PTPRO: variants seen among roughly 807,000 people sequenced by gnomAD.
PTPRO encodes receptor-type tyrosine-protein phosphatase O.
PTPRO carries 62 observed loss-of-function variants against 145.2 expected under a neutral mutation model. The ratio of observed to expected loss-of-function variants is 0.43; its 90% CI spans 0.35 to 0.53. The LOEUF (loss-of-function observed/expected upper bound fraction) is 0.53, where lower values mean the gene tolerates loss of function less well. Ranked by LOEUF, PTPRO falls within the 20% of genes least tolerant of loss-of-function variation. The pLI is 0.01. For missense variants in PTPRO, 1,345 were observed against 1,482.7 expected (o/e 0.91, Z 1.53); for synonymous variants, 565 against 514.7 (o/e 1.10, Z -1.32).
intron 1 of PTPRO, among the ~76,000 whole-genome samples, chr12:15,339,277 A>G (rs964730000): frequency 1.3e-5 from 2 of 152,186 alleles, no homozygotes; most frequent in Non-Finnish European, 2.9e-5. Flanking sequence ...AATGTAAGTT[A>G]TGTTTAGGAG....
chr12:15,548,998 A>T, intron 13 of PTPRO, 96 bp from the exon 14 acceptor site: 1 of 1,323,114 alleles, frequency 7.6e-7, no homozygotes, highest in Non-Finnish European at 1.1e-6. Context: ...TACATTTTTT[A>T]CTCTGTCAAT....
intron 1 of PTPRO, among the ~76,000 whole-genome samples, chr12:15,438,168 A>G (rs1232635065): frequency 6.6e-6 from 1 of 152,224 alleles, no homozygotes; most frequent in African/African-American, 2.4e-5. Flanking sequence ...GGGAAAGAGA[A>G]TAATAGTAAT....
intron 1 of PTPRO, among the ~76,000 whole-genome samples, chr12:15,475,424 A>T (rs1941632230): frequency 6.6e-6 from 1 of 152,210 alleles, no homozygotes; most frequent in Admixed American, 6.5e-5. Context: ...AATAATAAGG[A>T]AATATAAATA....
At chr12:15,386,380 GAAT>G (rs1400992048) in intron 1 of PTPRO, among the ~76,000 whole-genome samples, 1 of 152,062 alleles carries the variant, frequency 6.6e-6, no homozygotes, top group Non-Finnish European at 1.5e-5. Flanking sequence ...AAATTTTAAT[GAAT>G]AATATTAAAT....
intron 13 of PTPRO, among the ~76,000 whole-genome samples, chr12:15,547,869 G>T (rs944496730): frequency 6.6e-6 from 1 of 152,094 alleles, no homozygotes; most frequent in Non-Finnish European, 1.5e-5. Context: ...TTATGCAAGG[G>T]TGTTTCAAAA....
chr12:15,545,554 G>C (rs1440990767), intron 12 of PTPRO, among the ~76,000 whole-genome samples: 1 of 151,280 alleles, frequency 6.6e-6, no homozygotes, highest in Non-Finnish European at 1.5e-5. Context: ...GAACAGGCAG[G>C]GTTTTTTGGT....
chr12:15,377,856 C>A (rs1046682568), intron 1 of PTPRO, among the ~76,000 whole-genome samples: 82 of 152,014 alleles, frequency 5.4e-4, no homozygotes, highest in African/African-American at 1.9e-3. Context: ...GTGGAATTCA[C>A]AAATATGTGA....
chr12:15,336,081 C>A (rs1866752258), intron 1 of PTPRO, among the ~76,000 whole-genome samples: 2 of 152,154 alleles, frequency 1.3e-5, no homozygotes, highest in East Asian at 1.9e-4. Flanking sequence ...AACTGGAAAA[C>A]TGACAGATGT....
chr12:15,483,677 A>G (rs1941827701), intron 1 of PTPRO, among the ~76,000 whole-genome samples: 2 of 152,096 alleles, frequency 1.3e-5, no homozygotes, highest in Non-Finnish European at 2.9e-5. Context: ...CCTCCACAGG[A>G]TGTTTATTTT....
At chr12:15,562,688 A>C (rs758369599) in intron 17 of PTPRO, among the ~76,000 whole-genome samples, 2 of 151,500 alleles carry the variant, frequency 1.3e-5, no homozygotes, top group Non-Finnish European at 2.9e-5. Context: ...TATGTTTCCT[A>C]TTGAAAGAAA....
intron 1 of PTPRO, among the ~76,000 whole-genome samples, chr12:15,375,845 C>G (rs370445071): frequency 6.8e-6 from 1 of 146,090 alleles, no homozygotes; most frequent in Non-Finnish European, 1.5e-5. Flanking sequence ...ATAACTAAAA[C>G]AGAATATTTG....
chr12:15,358,054 G>C (rs1316739017), intron 1 of PTPRO, among the ~76,000 whole-genome samples: 12 of 151,662 alleles, frequency 7.9e-5, no homozygotes, highest in Admixed American at 7.2e-4. Context: ...TACTATGCTG[G>C]CATAAAAAAT....
chr12:15,418,260 C>T (rs1398598742), intron 1 of PTPRO, among the ~76,000 whole-genome samples: 1 of 151,678 alleles, frequency 6.6e-6, no homozygotes, highest in African/African-American at 2.4e-5. Flanking sequence ...TCACAACAGG[C>T]CCTACATATT....
intron 1 of PTPRO, among the ~76,000 whole-genome samples, chr12:15,358,198 A>G (rs1450630359): frequency 7.4e-6 from 1 of 134,490 alleles, no homozygotes; most frequent in African/African-American, 2.8e-5. Flanking sequence ...ACACATGGAC[A>G]CAGGAAGGAG....
chr12:15,555,387 C>T (rs182375231), intron 15 of PTPRO, among the ~76,000 whole-genome samples: 74 of 152,204 alleles, frequency 4.9e-4, no homozygotes, highest in African/African-American at 1.6e-3. Context: ...AAGAAGATAA[C>T]AGTAAGCGAC....
chr12:15,384,894 A>G lies in PTPRO; in HGVS notation c.75+62093A>G, dbSNP rs557308345. On this transcript the variant is annotated intron_variant, in intron 1 of 26. Coordinates refer to ENST00000281171, the MANE Select transcript of PTPRO (RefSeq NM_030667.3). ...TAAAAGCAAGACCTATGACAAGTAG[A>G]AAATATTAATGAACGCTGAAAGCAT... is the stretch of plus-strand genomic sequence containing the variant. 6.6e-5 allele frequency among the ~76,000 whole-genome samples: 10 copies of G among 152,344 alleles called. 1 individual carries two copies. The South Asian group carries it at 2.1e-3, about 32-fold the overall frequency.
chr12:15,330,129 A>T (rs1866564867), intron 1 of PTPRO, among the ~76,000 whole-genome samples: 1 of 152,218 alleles, frequency 6.6e-6, no homozygotes, highest in Non-Finnish European at 1.5e-5. Flanking sequence ...GTGAGATAAG[A>T]GTTGCATTTC....
chr12:15,499,942 A>G (rs1011546161), intron 4 of PTPRO, among the ~76,000 whole-genome samples: 1 of 152,192 alleles, frequency 6.6e-6, no homozygotes, highest in Non-Finnish European at 1.5e-5. Flanking sequence ...ATTCTAGTAC[A>G]GATTATCAGA....
intron 1 of PTPRO, among the ~76,000 whole-genome samples, chr12:15,430,847 T>G (rs989855535): frequency 4.6e-5 from 7 of 152,246 alleles, no homozygotes; most frequent in Admixed American, 2.6e-4. Flanking sequence ...TACAATTTTG[T>G]CAATTAAAAG....
Sources: gnomAD v4.1 joint callset for allele counts (sites outside exome capture counted in the v4.1 genomes callset) on GRCh38, gnomAD v4.1.1 for gene constraint, MANE v1.5 for transcripts, NCBI Gene and HGNC (gene_info 2026-07-23, HGNC 2026-07-21) for gene names.